GAB2: variants seen among roughly 807,000 people sequenced by gnomAD.
GAB2 encodes GRB2 associated binding protein 2.
A neutral mutation model predicts 65.5 loss-of-function variants in GAB2; 26 were observed. The observed-to-expected ratio is 0.40, with a 90% CI of 0.29 to 0.55. GAB2 has a LOEUF of 0.55. GAB2 is among the 20% of genes least tolerant of loss of function. The pLI is 0.53. For missense variants in GAB2, 884 were observed against 875.8 expected (o/e 1.01, Z -0.12); for synonymous variants, 321 against 329.6 (o/e 0.97, Z 0.28).
chr11:78,276,093 G>A (rs1243478902), intron 2 of GAB2, among the ~76,000 whole-genome samples: 3 of 140,906 alleles, frequency 2.1e-5, no homozygotes, highest in Non-Finnish European at 4.5e-5. Flanking sequence ...CAGCCTGGAC[G>A]ACAGAGCAAG....
intron 1 of GAB2, among the ~76,000 whole-genome samples, chr11:78,391,601 G>A (rs932169772): frequency 2.6e-5 from 4 of 152,186 alleles, no homozygotes; most frequent in Non-Finnish European, 4.4e-5. Context: ...AAAGGCCACT[G>A]GTAGGTGCTC....
chr11:78,321,286 G>A lies in GAB2; in HGVS notation c.76-40385C>T, dbSNP rs564876742. Among the ~76,000 whole-genome samples the A allele has an allele frequency of 2.6e-5, 4 of 152,288 alleles. 1 individual carries two copies. Among genetic ancestry groups the A allele is most frequent in the African/African-American group, 9.6e-5 (4 of 41,558 alleles). Reference sequence around the variant, plus strand: ...ATGTTTCCGACATCACTCCTTCCAGGATGCTCTCCCACAATCTTCTATCCA... The same window carrying A: ...ATGTTTCCGACATCACTCCTTCCAGAATGCTCTCCCACAATCTTCTATCCA... On this transcript the variant is annotated intron_variant, in intron 1 of 9. Coordinates refer to ENST00000361507, the MANE Select transcript of GAB2 (RefSeq NM_080491.3).
rs190876771 is a variant in GAB2 at position 78,229,273 on chromosome 11, A to C, written c.621-2222T>G. Among the ~76,000 whole-genome samples, 639 of 152,256 alleles carry C rather than the reference A, an allele frequency of 4.2e-3. 2 individuals are homozygous for C. Among genetic ancestry groups the C allele is most frequent in the Admixed American group, 7.8e-3 (119 of 15,298 alleles). On this transcript the variant is annotated intron_variant, in intron 3 of 9. Transcript: ENST00000361507. Reference sequence around the variant, plus strand: ...GAAATGGTGTTCTAGTTGAAGGCTCAAAGATGTAGAACACAACCTGGCAAG... The same window carrying C: ...GAAATGGTGTTCTAGTTGAAGGCTCCAAGATGTAGAACACAACCTGGCAAG...
chr11:78,225,252 G>T (rs1864597210), intron 4 of GAB2, 50 bp from the exon 5 acceptor site: 4 of 1,218,008 alleles, frequency 3.3e-6, no homozygotes, highest in Admixed American at 3.4e-5. Flanking sequence ...TTCATGTGTT[G>T]ACACTTACCC....
At chr11:78,257,196 C>T (rs973273604) in intron 2 of GAB2, among the ~76,000 whole-genome samples, 15 of 152,110 alleles carry the variant, frequency 9.9e-5, no homozygotes, top group Non-Finnish European at 1.9e-4. Context: ...ACCCAGCCAT[C>T]GACTGGCTAG....
chr11:78,246,680 G>A (rs775115204), intron 3 of GAB2, among the ~76,000 whole-genome samples: 1 of 152,052 alleles, frequency 6.6e-6, no homozygotes, highest in Non-Finnish European at 1.5e-5. Flanking sequence ...TGTATTTTTA[G>A]TAGAGATGGG....
intron 2 of GAB2, among the ~76,000 whole-genome samples, chr11:78,274,410 C>A (rs11237435): frequency 6.6e-6 from 1 of 152,204 alleles, no homozygotes; most frequent in Non-Finnish European, 1.5e-5. Flanking sequence ...TTGATCAACT[C>A]CAGGGGATAC....
intron 1 of GAB2, among the ~76,000 whole-genome samples, chr11:78,285,965 C>A (rs1197751165): frequency 6.6e-6 from 1 of 152,120 alleles, no homozygotes; most frequent in African/African-American, 2.4e-5. Context: ...TTGTCTCTTC[C>A]CAACTAGGAC....
Position 78,336,352 on chromosome 11 carries a change from A to C in GAB2, c.76-55451T>G, listed in dbSNP as rs1455610377. On this transcript the variant is annotated intron_variant, in intron 1 of 9. Transcript: ENST00000361507. ...AAAAAAAAAAAAAAAAAAAAAAAAA[A>C]AAAAAAAAAACACAACAAGAATTAT... Among the ~76,000 whole-genome samples, 57 of 149,396 alleles carry C rather than the reference A, an allele frequency of 3.8e-4. 1 individual carries two copies. Among genetic ancestry groups the C allele is most frequent in the African/African-American group, 1.2e-3 (49 of 40,880 alleles).
At position 78,217,386 on chromosome 11, in the gene GAB2, A is replaced by C. The variant is rs1285139289; in HGVS notation, c.*1886T>G. On this transcript the variant is annotated 3_prime_UTR_variant, in exon 10 of 10. Transcript: ENST00000361507. ...TGATCTAAACTAATGCTAGGAGGAG[A>C]GGTGCAGCTCTTGAAGAAATAACTT... 1 of 152,194 alleles carries C rather than the reference A, an allele frequency of 6.6e-6. No homozygotes were observed. The highest frequency in any genetic ancestry group is 2.4e-5 in the African/African-American group (1 of 41,436). 9.4% of individuals were successfully genotyped at this position (152,194 alleles called of 1,614,324 possible).
At chr11:78,382,934 C>T (rs575937729) in intron 1 of GAB2, among the ~76,000 whole-genome samples, 2 of 152,346 alleles carry the variant, frequency 1.3e-5, no homozygotes, top group African/African-American at 2.4e-5. Context: ...CCTAGACTAA[C>T]GTTTCTCAGA....
intron 3 of GAB2, among the ~76,000 whole-genome samples, chr11:78,237,747 T>C (rs1346030989): frequency 6.6e-6 from 1 of 152,152 alleles, no homozygotes; most frequent in East Asian, 1.9e-4. Flanking sequence ...TATCAAGTGG[T>C]CTAGTGTATA....
chr11:78,253,698 A>G (rs1295007842), intron 2 of GAB2, among the ~76,000 whole-genome samples: 3 of 152,156 alleles, frequency 2.0e-5, no homozygotes, highest in Admixed American at 2.0e-4. Context: ...TCTTTCTCTC[A>G]TCACTTTGTA....
chr11:78,325,936 T>C lies in GAB2; in HGVS notation c.76-45035A>G, dbSNP rs1027043709. ...TTTTAAACATTGTATTTTTTAACAATATGGCTCAAGAATTGAGGTATAAAA... is the reference window on the plus strand; with the variant it reads ...TTTTAAACATTGTATTTTTTAACAACATGGCTCAAGAATTGAGGTATAAAA... On this transcript the variant is annotated intron_variant, in intron 1 of 9. Coordinates refer to ENST00000361507, the MANE Select transcript of GAB2 (RefSeq NM_080491.3). 1.7e-4 allele frequency among the ~76,000 whole-genome samples: 26 copies of C among 152,224 alleles called. 1 individual carries two copies. Among genetic ancestry groups the C allele is most frequent in the Non-Finnish European group, 2.9e-5 (2 of 68,032 alleles).
chr11:78,267,667 G>A (rs528322907), intron 2 of GAB2, among the ~76,000 whole-genome samples: 29 of 151,836 alleles, frequency 1.9e-4, no homozygotes, highest in African/African-American at 6.5e-4. Flanking sequence ...GACCATCCTG[G>A]CTAACATGGT....
chr11:78,278,962 C>T (rs149440983), intron 2 of GAB2, among the ~76,000 whole-genome samples: 337 of 150,022 alleles, frequency 2.2e-3, no homozygotes, highest in African/African-American at 8.0e-3. Flanking sequence ...GCTATGCTGC[C>T]CCAGCTGGGG....
At chr11:78,411,695 G>A (rs1041964405) in intron 1 of GAB2, among the ~76,000 whole-genome samples, 3 of 151,858 alleles carry the variant, frequency 2.0e-5, no homozygotes, top group Admixed American at 6.6e-5. Flanking sequence ...AGTGGATCAC[G>A]GACTTAAAGG....
At chr11:78,410,436 G>A (rs1033359344) in intron 1 of GAB2, among the ~76,000 whole-genome samples, 42 of 152,226 alleles carry the variant, frequency 2.8e-4, no homozygotes, top group African/African-American at 9.4e-4. Flanking sequence ...CCTGGGAGGT[G>A]GAGGTTGTAG....
chr11:78,358,557 T>C (rs1446604422), intron 1 of GAB2, among the ~76,000 whole-genome samples: 1 of 150,474 alleles, frequency 6.6e-6, no homozygotes, highest in African/African-American at 2.4e-5. Flanking sequence ...AAGTTTGTGA[T>C]CAAATTCATG....
Sources: gnomAD v4.1 joint callset for allele counts (sites outside exome capture counted in the v4.1 genomes callset) on GRCh38, gnomAD v4.1.1 for gene constraint, MANE v1.5 for transcripts, NCBI Gene and HGNC (gene_info 2026-07-23, HGNC 2026-07-21) for gene names.